The following CPE variants were observed in gnomAD, a reference collection of about 807,000 sequenced individuals.
The protein encoded by CPE is carbocypeptidase E.
In CPE, 17 loss-of-function variants were observed where a neutral mutation model predicts 53.5. That is an observed-to-expected ratio of 0.32 (90% CI 0.22 to 0.48). The LOEUF (loss-of-function observed/expected upper bound fraction) is 0.48, where lower values mean the gene tolerates loss of function less well. CPE is among the 20% of genes least tolerant of loss of function. CPE has a pLI of 0.99. For synonymous variants in CPE, 226 were observed against 228.8 expected (o/e 0.99, Z 0.11); for missense variants, 524 against 614.7 (o/e 0.85, Z 1.56).
chr4:165,392,841 T>A (rs914707852), intron 1 of CPE, among the ~76,000 whole-genome samples: 1 of 148,464 alleles, frequency 6.7e-6, no homozygotes, highest in Non-Finnish European at 1.5e-5. Context: ...AACATAATTA[T>A]CTGGCACATA....
intron 1 of CPE, among the ~76,000 whole-genome samples, chr4:165,396,197 AT>A (rs1730764344): frequency 6.6e-6 from 1 of 152,172 alleles, no homozygotes; most frequent in South Asian, 2.1e-4. Context: ...ATATTCCTGA[AT>A]TTGTTCCTGG....
rs778623741 is a variant in CPE at position 165,498,094 on chromosome 4, A to G, written c.*484A>G. On this transcript the variant is annotated 3_prime_UTR_variant, in exon 9 of 9. Coordinates refer to ENST00000402744, the MANE Select transcript of CPE (RefSeq NM_001873.4). ...TGTCGTTTTTTTCTTGTGCTGACTAACTATAAGCATGATCTTGTTAATGCA... is the reference window on the plus strand; with the variant it reads ...TGTCGTTTTTTTCTTGTGCTGACTAGCTATAAGCATGATCTTGTTAATGCA... 2.0e-5 allele frequency: 3 copies of G among 152,216 alleles called. No homozygotes were observed. Among genetic ancestry groups the G allele is most frequent in the Non-Finnish European group, 2.9e-5 (2 of 68,032 alleles). 9.4% of individuals were successfully genotyped at this position (152,216 alleles called of 1,614,324 possible).
At chr4:165,468,226 C>T (rs1311765343) in intron 3 of CPE, among the ~76,000 whole-genome samples, 2 of 152,192 alleles carry the variant, frequency 1.3e-5, no homozygotes, top group African/African-American at 4.8e-5. Context: ...CAAAACTCTA[C>T]TTTCTCCTAC....
In CPE at chr4:165,410,241, T is replaced by TAA. The variant is rs70955614; in HGVS notation, c.307+30731_307+30732dup. 1.0e-2 allele frequency among the ~76,000 whole-genome samples: 1,193 copies of TAA among 119,646 alleles called. 18 individuals are homozygous for TAA. Among genetic ancestry groups the TAA allele is most frequent in the East Asian group, 0.055 (240 of 4,364 alleles). The allele number at this position is 119,646 out of a possible 152,430, so 78.5% of individuals were successfully genotyped here. ...TGTAACCTGACAGAGGGATACTCTG[T>TAA]AAAAAAAAAAAAAAAAAAATCAGAG... is the stretch of plus-strand genomic sequence containing the variant. On this transcript the variant is annotated intron_variant, in intron 1 of 8. Transcript: ENST00000402744.
intron 1 of CPE, among the ~76,000 whole-genome samples, chr4:165,393,433 A>G (rs958608216): frequency 2.0e-5 from 3 of 152,202 alleles, no homozygotes; most frequent in Non-Finnish European, 1.5e-5. Flanking sequence ...GTTAAACCCA[A>G]TCTTCATTAG....
intron 1 of CPE, among the ~76,000 whole-genome samples, chr4:165,432,595 G>A (rs1372551136): frequency 6.6e-6 from 1 of 152,112 alleles, no homozygotes; most frequent in East Asian, 1.9e-4. Context: ...CATGCCTGGT[G>A]AATTAAATAA....
chr4:165,383,576 C>T (rs1730538273), intron 1 of CPE, among the ~76,000 whole-genome samples: 1 of 152,124 alleles, frequency 6.6e-6, no homozygotes, highest in South Asian at 2.1e-4. Context: ...TTCTTTAGAG[C>T]AGGATTTTTC....
chr4:165,468,220 A>T (rs1391039221), intron 3 of CPE, among the ~76,000 whole-genome samples: 1 of 151,550 alleles, frequency 6.6e-6, no homozygotes, highest in Non-Finnish European at 1.5e-5. Flanking sequence ...GCTTTACAAA[A>T]CTCTACTTTC....
At chr4:165,481,017 T>TATATATATA (rs1553978734) in intron 3 of CPE, among the ~76,000 whole-genome samples, 3 of 42,192 alleles carry the variant, frequency 7.1e-5, no homozygotes, top group African/African-American at 1.7e-4. Flanking sequence ...TATATATATA[T>TATATATATA]TTTTTTTTTT....
chr4:165,427,214 C>T (rs1354405682), intron 1 of CPE, among the ~76,000 whole-genome samples: 1 of 152,198 alleles, frequency 6.6e-6, no homozygotes, highest in African/African-American at 2.4e-5. Flanking sequence ...TTATCTGTGC[C>T]TGCAGCTTGA....
chr4:165,464,177 T>G (rs1732056220), intron 1 of CPE, among the ~76,000 whole-genome samples: 1 of 152,080 alleles, frequency 6.6e-6, no homozygotes, highest in Non-Finnish European at 1.5e-5. Flanking sequence ...TAATTTTGGG[T>G]GAATACAGTT....
Position 165,486,656 on chromosome 4 carries a change from C to A in CPE, c.974-782C>A, listed in dbSNP as rs530557881. Reference sequence around the variant, plus strand: ...ATGGCCATGTAAATTGATAGCTTATCTTTACAGGTGCAGGCACCCCAGCCC... The same window carrying A: ...ATGGCCATGTAAATTGATAGCTTATATTTACAGGTGCAGGCACCCCAGCCC... On this transcript the variant is annotated intron_variant, in intron 5 of 8. Coordinates refer to ENST00000402744, the MANE Select transcript of CPE (RefSeq NM_001873.4). Among the ~76,000 whole-genome samples, 16 of 152,290 alleles carry A rather than the reference C, an allele frequency of 1.1e-4. No homozygotes were observed. In the East Asian group the frequency reaches 1.4e-3, roughly 13 times the overall value.
intron 1 of CPE, among the ~76,000 whole-genome samples, chr4:165,393,878 A>C (rs966345747): frequency 6.6e-6 from 1 of 152,242 alleles, no homozygotes; most frequent in Non-Finnish European, 1.5e-5. Flanking sequence ...AAATCACTCC[A>C]GCACACTGTA....
chr4:165,497,119 AC>A (rs1355401127), intron 8 of CPE, among the ~76,000 whole-genome samples: 2 of 151,976 alleles, frequency 1.3e-5, no homozygotes, highest in African/African-American at 2.4e-5. Flanking sequence ...ATGTGGTTTC[AC>A]CATGTTGGTC....
intron 1 of CPE, among the ~76,000 whole-genome samples, chr4:165,390,767 A>G (rs1241715768): frequency 6.6e-6 from 1 of 152,054 alleles, no homozygotes; most frequent in African/African-American, 2.4e-5. Flanking sequence ...TTTCCTCTCC[A>G]CTAGTTAACT....
chr4:165,395,347 A>G (rs930832762), intron 1 of CPE, among the ~76,000 whole-genome samples: 1 of 152,182 alleles, frequency 6.6e-6, no homozygotes, highest in Non-Finnish European at 1.5e-5. Context: ...TGACCTGTGC[A>G]TAGAGCTAAC....
intron 5 of CPE, 91 bp from the exon 6 acceptor site, chr4:165,487,347 C>A (rs770587103): frequency 7.8e-6 from 12 of 1,544,892 alleles, no homozygotes; most frequent in Admixed American, 3.6e-5. Flanking sequence ...GTTTGTGTAC[C>A]TTTTACTTGG....
chr4:165,405,956 A>G (rs1730946271), intron 1 of CPE: 3 of 732,204 alleles, frequency 4.1e-6, no homozygotes, highest in East Asian at 2.6e-5. Context: ...GGACTTTTCA[A>G]GTTTCTCAAA....
intron 1 of CPE, among the ~76,000 whole-genome samples, chr4:165,463,657 A>T (rs767408736): frequency 1.3e-5 from 2 of 152,238 alleles, no homozygotes; most frequent in Non-Finnish European, 2.9e-5. Flanking sequence ...AACTATGGAG[A>T]CAGTCTTCTT....
Sources: allele counts gnomAD v4.1 joint callset (sites outside exome capture counted in the v4.1 genomes callset), GRCh38; gene constraint gnomAD v4.1.1; transcripts MANE v1.5; gene names NCBI Gene and HGNC (gene_info 2026-07-23, HGNC 2026-07-21).